Variants in PTPRT observed in about 807,000 individuals in gnomAD.
PTPRT encodes the protein protein tyrosine phosphatase receptor type T.
A neutral mutation model predicts 176.8 loss-of-function variants in PTPRT; 56 were observed. The observed-to-expected ratio is 0.32, with a 90% confidence interval of 0.26 to 0.40. The LOEUF (loss-of-function observed/expected upper bound fraction) is 0.40, where lower values mean the gene tolerates loss of function less well. Ranked by LOEUF, PTPRT falls within the 10% of genes least tolerant of loss-of-function variation. The pLI is 1.00. For missense variants in PTPRT, 1,540 were observed against 1,908.2 expected (o/e 0.81, Z 3.60); for synonymous variants, 783 against 739.0 (o/e 1.06, Z -0.96).
chr20:42,251,340 C>T (rs2056548013), intron 13 of PTPRT, among the ~76,000 whole-genome samples: 1 of 152,052 alleles, frequency 6.6e-6, no homozygotes, highest in African/African-American at 2.4e-5. Flanking sequence ...TACTTCATTC[C>T]TTCAGTAAGT....
At position 42,707,509 on chromosome 20, in the gene PTPRT, G is replaced by T. The variant is rs909402427; in HGVS notation, c.860-29350C>A. Among the ~76,000 whole-genome samples, 4 of 152,150 alleles carry T rather than the reference G, an allele frequency of 2.6e-5. No individual in the cohort carries two copies. In the East Asian group the frequency reaches 7.7e-4, roughly 29 times the overall value. ...CAGAACATTTTTATTTGAGAGACAGGCTCCATTTTTGGCTTTGAAGATGAA... is the reference window on the plus strand; with the variant it reads ...CAGAACATTTTTATTTGAGAGACAGTCTCCATTTTTGGCTTTGAAGATGAA... On this transcript the variant is annotated intron_variant, in intron 6 of 30. Coordinates refer to ENST00000373187, the MANE Select transcript of PTPRT (RefSeq NM_007050.6).
At position 42,104,640 on chromosome 20, in the gene PTPRT, G is replaced by A. The variant is rs370508724; in HGVS notation, c.3469C>T (p.Arg1157Cys). 1.3e-4 allele frequency: 202 copies of A among 1,604,318 alleles called. No homozygotes were observed. The highest frequency in any genetic ancestry group is 1.7e-4 in the Middle Eastern group (1 of 6,060). The change falls in exon 25 of 31, where the codon CGT becomes TGT. Residue 1157 changes from arginine to cysteine, a missense_variant. Arg to Cys is a radical substitution (Grantham distance 180). This residue lies in a region of PTPRT where 342 missense variants were observed against 394.0 expected (regional missense o/e 0.87). Transcript: ENST00000373187. ...GNTAIPVCEF[R>C]SLYYNISRLD... is the part of the protein sequence containing the mutation. Reference sequence around the variant, plus strand: ...CTGCTGATATTGTAGTAGAGAGAACGGAACTCACACACAGGGATGGCAGTG... The same window carrying A: ...CTGCTGATATTGTAGTAGAGAGAACAGAACTCACACACAGGGATGGCAGTG...
At chr20:42,180,225 T>C (rs2146584728) in intron 16 of PTPRT, among the ~76,000 whole-genome samples, 1 of 152,312 alleles carries the variant, frequency 6.6e-6, no homozygotes, top group East Asian at 1.9e-4. Flanking sequence ...TCCATATTTC[T>C]TATGGGTTCC....
rs539872128 is a variant in PTPRT, at chr20:43,050,072, G to A, written c.88+139574C>T. Among the ~76,000 whole-genome samples the A allele has an allele frequency of 2.6e-5, 4 of 152,348 alleles. No individual in the cohort carries two copies. The East Asian group carries it at 5.8e-4, about 22-fold the overall frequency. On this transcript the variant is annotated intron_variant, in intron 1 of 30. Coordinates refer to ENST00000373187, the MANE Select transcript of PTPRT (RefSeq NM_007050.6). Reference sequence around the variant, plus strand: ...TGGAGGCTGTCAGTGGGAGTGCTGGGTGGCTGACCACAAGCATCCTCAACA... The same window carrying A: ...TGGAGGCTGTCAGTGGGAGTGCTGGATGGCTGACCACAAGCATCCTCAACA...
intron 9 of PTPRT, among the ~76,000 whole-genome samples, chr20:42,390,927 T>G (rs972581068): frequency 5.3e-5 from 8 of 152,194 alleles, no homozygotes; most frequent in African/African-American, 1.9e-4. Context: ...GGAGTCAGAA[T>G]TGAGTTTGCA....
At position 42,724,557 on chromosome 20, in the gene PTPRT, T is replaced by G. The variant is rs1405226685; in HGVS notation, c.859+31905A>C. ...CCCCTGCCCCTTGAGACCTGGGAAG[T>G]AACAGCTCCCTGCTATTGTTTGTCC... On this transcript the variant is annotated intron_variant, in intron 6 of 30. Coordinates refer to ENST00000373187, the MANE Select transcript of PTPRT (RefSeq NM_007050.6). Among the ~76,000 whole-genome samples the G allele has an allele frequency of 3.3e-5, 5 of 152,348 alleles. No homozygotes were observed. In the South Asian group the frequency reaches 1.0e-3, roughly 32 times the overall value.
Position 42,104,696 on chromosome 20 carries a change from T to G in PTPRT, c.3413A>C (p.Asp1138Ala). 6.3e-7 allele frequency: 1 copy of G among 1,587,642 alleles called. No individual in the cohort carries two copies. Among genetic ancestry groups the G allele is most frequent in the Non-Finnish European group, 8.7e-7 (1 of 1,155,734 alleles). The change falls in exon 25 of 31, where the codon GAT becomes GCT. Residue 1138 changes from aspartate to alanine, a missense_variant. Asp to Ala is a moderately radical substitution (Grantham distance 126, BLOSUM62 -2). Coordinates refer to ENST00000373187, the MANE Select transcript of PTPRT (RefSeq NM_007050.6). ...QTEEQYVFVHDAILEACLCGN... is the reference protein window; with the variant it reads ...QTEEQYVFVHAAILEACLCGN... Reference sequence around the variant, plus strand: ...ACAGAGGCACGCTTCCAGGATGGCATCGTGCACAAACACATATTGCTCCTG... The same window carrying G: ...ACAGAGGCACGCTTCCAGGATGGCAGCGTGCACAAACACATATTGCTCCTG...
chr20:42,824,608 A>T (rs2056230822), intron 2 of PTPRT, among the ~76,000 whole-genome samples: 1 of 152,096 alleles, frequency 6.6e-6, no homozygotes, highest in Non-Finnish European at 1.5e-5. Flanking sequence ...TGGTGAATGA[A>T]AAATTAATTA....
chr20:42,490,436 T>C (rs977956061), intron 7 of PTPRT, among the ~76,000 whole-genome samples: 1 of 152,172 alleles, frequency 6.6e-6, no homozygotes, highest in African/African-American at 2.4e-5. Context: ...ATTTTATATA[T>C]TCTTAGACTA....
intron 7 of PTPRT, among the ~76,000 whole-genome samples, chr20:42,547,242 T>G (rs922377785): frequency 1.3e-5 from 2 of 152,190 alleles, no homozygotes; most frequent in African/African-American, 4.8e-5. Flanking sequence ...TAAGAAGCTC[T>G]ACAGTAAGTG....
chr20:42,903,110 A>G (rs1300880721), intron 1 of PTPRT, among the ~76,000 whole-genome samples: 1 of 152,198 alleles, frequency 6.6e-6, no homozygotes, highest in African/African-American at 2.4e-5. Flanking sequence ...TGCAATAAAC[A>G]TGTGCCTAAG....
chr20:42,471,805 G>A (rs963492815), intron 8 of PTPRT, among the ~76,000 whole-genome samples: 1 of 151,962 alleles, frequency 6.6e-6, no homozygotes, highest in African/African-American at 2.4e-5. Context: ...ACAGGCACAC[G>A]CTGCCACGCC....
intron 1 of PTPRT, among the ~76,000 whole-genome samples, chr20:43,102,262 C>A (rs949254649): frequency 6.7e-6 from 1 of 149,980 alleles, no homozygotes; most frequent in Non-Finnish European, 1.5e-5. Flanking sequence ...CTCTCTCTCT[C>A]TCTGTCTCTT....
the PTPRT span, among the ~76,000 whole-genome samples, chr20:42,061,364 G>A: frequency 8.5e-5 from 13 of 152,084 alleles, no homozygotes; most frequent in Non-Finnish European, 2.9e-5. Context: ...GAATGAGCCC[G>A]CGCAGTGCAG....
At position 42,735,168 on chromosome 20, in the gene PTPRT, G is replaced by A. The variant is rs568346553; in HGVS notation, c.859+21294C>T. On this transcript the variant is annotated intron_variant, in intron 6 of 30. Coordinates refer to ENST00000373187, the MANE Select transcript of PTPRT (RefSeq NM_007050.6). ...TTGAAGCTCAGATAAGGTTGGGTTGGATGAGACACAGTTTGGAGGGCTGCT... is the reference window on the plus strand; with the variant it reads ...TTGAAGCTCAGATAAGGTTGGGTTGAATGAGACACAGTTTGGAGGGCTGCT... Among the ~76,000 whole-genome samples, 7 of 152,298 alleles carry A rather than the reference G, an allele frequency of 4.6e-5. 1 individual carries two copies. The highest frequency in any genetic ancestry group is 1.7e-4 in the African/African-American group (7 of 41,556).
chr20:42,252,193 C>T (rs779478394), intron 13 of PTPRT, among the ~76,000 whole-genome samples: 5 of 152,092 alleles, frequency 3.3e-5, no homozygotes, highest in Admixed American at 6.6e-5. Context: ...GTAATGTTTA[C>T]GGGTTCCAGA....
chr20:42,795,604 G>A (rs1289813204), intron 2 of PTPRT, among the ~76,000 whole-genome samples: 1 of 152,260 alleles, frequency 6.6e-6, no homozygotes, highest in African/African-American at 2.4e-5. Context: ...CCTGCAGACA[G>A]GTGGCCCCGC....
At chr20:42,041,899 G>C in the PTPRT span, among the ~76,000 whole-genome samples, 1 of 152,102 alleles carries the variant, frequency 6.6e-6, no homozygotes, top group African/African-American at 2.4e-5. Flanking sequence ...TTTGATTCTA[G>C]CTCCTTCCTT....
At chr20:42,208,290 C>A (rs941776426) in intron 15 of PTPRT, among the ~76,000 whole-genome samples, 2 of 145,288 alleles carry the variant, frequency 1.4e-5, no homozygotes, top group African/African-American at 5.3e-5. Context: ...TCACACATAA[C>A]AATATTAACT....
Sources: gnomAD v4.1 joint callset for allele counts (sites outside exome capture counted in the v4.1 genomes callset) on GRCh38, gnomAD v4.1.1 for gene constraint, gnomAD v4.1.1 regional missense constraint, MANE v1.5 for transcripts, NCBI Gene and HGNC (gene_info 2026-07-23, HGNC 2026-07-21) for gene names.